Variants in TRHDE observed in about 807,000 individuals in gnomAD.
The protein encoded by TRHDE is thyrotropin-releasing hormone-degrading ectoenzyme.
TRHDE carries 72 observed loss-of-function variants against 125.7 expected under a neutral mutation model. The observed-to-expected ratio is 0.57, with a 90% CI of 0.47 to 0.70. The LOEUF (loss-of-function observed/expected upper bound fraction) is 0.70, where lower values mean the gene tolerates loss of function less well. Ranked by LOEUF, TRHDE falls within the 30% of genes least tolerant of loss-of-function variation. The pLI is 0.00. For missense variants in TRHDE, 1,110 were observed against 1,327.1 expected (o/e 0.84, Z 2.54); for synonymous variants, 509 against 509.1 (o/e 1.00, Z 0.00).
At chr12:72,591,039 A>G (rs10735970) in intron 12 of TRHDE, among the ~76,000 whole-genome samples, 60,734 of 152,152 alleles carry the variant, frequency 0.4, 14,563 homozygotes, top group African/African-American at 0.66. Flanking sequence ...CGATCATTGC[A>G]GAAGGCAAAG....
chr12:72,481,399 AG>A (rs2135913540), intron 5 of TRHDE, among the ~76,000 whole-genome samples: 1 of 150,382 alleles, frequency 6.6e-6, no homozygotes, highest in African/African-American at 2.4e-5. Flanking sequence ...GGATAATTTG[AG>A]GTTGATGAAG....
chr12:72,651,500 T>C (rs1275629072), intron 15 of TRHDE, among the ~76,000 whole-genome samples: 2 of 151,986 alleles, frequency 1.3e-5, no homozygotes, highest in Admixed American at 1.3e-4. Context: ...TAGTGAATGT[T>C]GAAAAAAAGC....
chr12:72,612,570 G>A (rs550530816), intron 12 of TRHDE, among the ~76,000 whole-genome samples: 14 of 152,202 alleles, frequency 9.2e-5, no homozygotes, highest in African/African-American at 3.4e-4. Flanking sequence ...CTTATTTTCT[G>A]TAAACTTTAG....
intron 2 of TRHDE, among the ~76,000 whole-genome samples, chr12:72,330,206 C>A (rs567280806): frequency 6.6e-6 from 1 of 152,150 alleles, no homozygotes; most frequent in South Asian, 2.1e-4. Context: ...AACGGCCTGG[C>A]CTTGAGCAAT....
chr12:72,212,674 A>C (rs1877808086), intron 2 of TRHDE, among the ~76,000 whole-genome samples: 1 of 152,148 alleles, frequency 6.6e-6, no homozygotes, highest in African/African-American at 2.4e-5. Flanking sequence ...AATGTAAGAG[A>C]TAGACAATAA....
intron 2 of TRHDE, among the ~76,000 whole-genome samples, chr12:72,336,938 G>A (rs943822629): frequency 6.6e-6 from 1 of 152,194 alleles, no homozygotes; most frequent in African/African-American, 2.4e-5. Flanking sequence ...AAAGTGGTCT[G>A]CAGACTGCCA....
intron 15 of TRHDE, among the ~76,000 whole-genome samples, chr12:72,624,663 A>G (rs1340799382): frequency 6.6e-6 from 1 of 151,916 alleles, no homozygotes; most frequent in Non-Finnish European, 1.5e-5. Context: ...ACAGTGGATG[A>G]TAAATTGATT....
At chr12:72,490,101 A>ATTGATG (rs1877594605) in intron 5 of TRHDE, among the ~76,000 whole-genome samples, 1 of 151,830 alleles carries the variant, frequency 6.6e-6, no homozygotes, top group Non-Finnish European at 1.5e-5. Context: ...CTGATAAGGT[A>ATTGATG]TTGATGTCCA....
In TRHDE at chr12:72,192,691, T is replaced by A. The variant is rs143936002; in HGVS notation, n.279+86939T>A. ...ATGAACTTAAGTTTTTTTTTAAAAATCTCCTAACCTTTGTTCCCTGATCTG... is the reference window on the plus strand; with the variant it reads ...ATGAACTTAAGTTTTTTTTTAAAAAACTCCTAACCTTTGTTCCCTGATCTG... On this transcript the variant is annotated intron_variant and non_coding_transcript_variant, in intron 2 of 4. Transcript: ENST00000548156. 6.8e-4 allele frequency among the ~76,000 whole-genome samples: 104 copies of A among 152,222 alleles called. 1 individual carries two copies. The East Asian group carries it at 0.016, about 24-fold the overall frequency.
chr12:72,420,877 C>T (rs57930953), intron 3 of TRHDE, among the ~76,000 whole-genome samples: 14 of 152,192 alleles, frequency 9.2e-5, no homozygotes, highest in Non-Finnish European at 1.8e-4. Context: ...ACCTGTAGGT[C>T]GTAGACTTTT....
At chr12:72,498,983 G>A (rs1426823030) in intron 5 of TRHDE, among the ~76,000 whole-genome samples, 1 of 151,870 alleles carries the variant, frequency 6.6e-6, no homozygotes, top group Non-Finnish European at 1.5e-5. Flanking sequence ...GTGTGTGTGT[G>A]TGTGTGTGTT....
chr12:72,129,996 G>C (rs922466305), intron 2 of TRHDE, among the ~76,000 whole-genome samples: 1 of 152,146 alleles, frequency 6.6e-6, no homozygotes, highest in South Asian at 2.1e-4. Flanking sequence ...GTCATTGTTA[G>C]AACATGTTAA....
At chr12:72,294,191 G>T (rs1048022993) in intron 2 of TRHDE, among the ~76,000 whole-genome samples, 1 of 152,208 alleles carries the variant, frequency 6.6e-6, no homozygotes, top group South Asian at 2.1e-4. Flanking sequence ...CAAGTAAGGG[G>T]CATGTCTCAG....
At chr12:72,384,952 A>G (rs1052695378) in intron 3 of TRHDE, among the ~76,000 whole-genome samples, 1 of 152,050 alleles carries the variant, frequency 6.6e-6, no homozygotes, top group Non-Finnish European at 1.5e-5. Context: ...TTTAGTGAAT[A>G]TATTTGCTGT....
intron 3 of TRHDE, among the ~76,000 whole-genome samples, chr12:72,441,551 T>A (rs938499061): frequency 1.3e-5 from 2 of 151,850 alleles, no homozygotes; most frequent in African/African-American, 2.4e-5. Flanking sequence ...AAATACAGCT[T>A]CCTTTTAATC....
At chr12:72,146,590 T>C (rs1876232313) in intron 2 of TRHDE, among the ~76,000 whole-genome samples, 1 of 152,182 alleles carries the variant, frequency 6.6e-6, no homozygotes, top group Non-Finnish European at 1.5e-5. Context: ...GCTCTGCAGC[T>C]CAAACCCCTT....
chr12:72,361,612 G>A (rs1399372369), intron 2 of TRHDE, among the ~76,000 whole-genome samples: 2 of 150,060 alleles, frequency 1.3e-5, no homozygotes, highest in African/African-American at 4.9e-5. Flanking sequence ...TGCACAATGT[G>A]CAGGTTAGTT....
At chr12:72,599,798 T>G (rs1260045485) in intron 12 of TRHDE, among the ~76,000 whole-genome samples, 1 of 152,102 alleles carries the variant, frequency 6.6e-6, no homozygotes, top group East Asian at 1.9e-4. Flanking sequence ...CCAAGGCTGA[T>G]GTCCACAATG....
In TRHDE at chr12:72,362,887, T is replaced by C. The variant is rs538233010; in HGVS notation, c.1189-15108T>C. ...ATCGGATAGTTGTAGATACGCGACA[T>C]TATTTCTGAGGGCTCTGTTCTGTTC... is the stretch of plus-strand genomic sequence containing the variant. On this transcript the variant is annotated intron_variant, in intron 2 of 18. Transcript: ENST00000261180. 6.3e-3 allele frequency among the ~76,000 whole-genome samples: 965 copies of C among 152,164 alleles called. 15 individuals carry two copies. The highest frequency in any genetic ancestry group is 0.022 in the African/African-American group (892 of 41,476).
Sources: allele counts gnomAD v4.1 joint callset (sites outside exome capture counted in the v4.1 genomes callset), GRCh38; gene constraint gnomAD v4.1.1; transcripts MANE v1.5; gene names NCBI Gene and HGNC (gene_info 2026-07-23, HGNC 2026-07-21).